Variants in TLN2 observed in about 807,000 individuals in gnomAD.
The protein encoded by TLN2 is talin 2, also known as talin-2.
A neutral mutation model predicts 294.7 loss-of-function variants in TLN2; 118 were observed. The ratio of observed to expected loss-of-function variants is 0.40; its 90% CI spans 0.34 to 0.47. The LOEUF is 0.47. Ranked by LOEUF, TLN2 falls within the 20% of genes least tolerant of loss-of-function variation. The pLI, the probability that TLN2 is intolerant of heterozygous loss-of-function variation, is 0.84. For missense variants in TLN2, 3,083 were observed against 3,282.2 expected, an observed-to-expected ratio of 0.94 and a Z score of 1.48; for synonymous variants, 1,431 against 1,304.5, an observed-to-expected ratio of 1.10 and a Z score of -2.09.
intron 32 of TLN2, among the ~76,000 whole-genome samples, chr15:62,743,451 C>G (rs2140976165): frequency 6.6e-6 from 1 of 152,260 alleles, no homozygotes; most frequent in South Asian, 2.1e-4. Flanking sequence ...GTTCTTAATT[C>G]TGCTTCCGAG....
At chr15:62,541,837 T>C (rs561968906) in intron 1 of TLN2, among the ~76,000 whole-genome samples, 2 of 152,222 alleles carry the variant, frequency 1.3e-5, no homozygotes, top group Admixed American at 1.3e-4. Flanking sequence ...AACTTCAAGA[T>C]GTTTGTTTTC....
intron 3 of TLN2, among the ~76,000 whole-genome samples, chr15:62,625,463 G>T (rs2049198765): frequency 1.3e-5 from 2 of 152,252 alleles, no homozygotes; most frequent in South Asian, 4.2e-4. Flanking sequence ...GAAGGCATAG[G>T]CTGTGGTTAC....
intron 1 of TLN2, among the ~76,000 whole-genome samples, chr15:62,417,951 C>A (rs570925605): frequency 3.9e-5 from 6 of 152,316 alleles, no homozygotes; most frequent in Non-Finnish European, 8.8e-5. Context: ...TGCCCCCTGG[C>A]CTGTCTTAAG....
chr15:62,833,321 G>A (rs2069075604), intron 54 of TLN2, 183 bp from the exon 55 acceptor site: 1 of 901,708 alleles, frequency 1.1e-6, no homozygotes, highest in Non-Finnish European at 1.6e-6. Flanking sequence ...TAAGAGTCCT[G>A]AAAGTTTGCA....
At chr15:62,640,517 C>G (rs2050931678) in intron 3 of TLN2, among the ~76,000 whole-genome samples, 1 of 152,138 alleles carries the variant, frequency 6.6e-6, no homozygotes, top group African/African-American at 2.4e-5. Context: ...ATTGTGCCCC[C>G]CTAAGTTGCC....
chr15:62,395,119 A>G (rs1235707902), intron 1 of TLN2, among the ~76,000 whole-genome samples: 1 of 149,106 alleles, frequency 6.7e-6, no homozygotes, highest in Non-Finnish European at 1.5e-5. Flanking sequence ...AGGGTTTACC[A>G]TGTACTTTAT....
At chr15:62,581,044 C>T (rs917043662) in intron 1 of TLN2, among the ~76,000 whole-genome samples, 1 of 151,918 alleles carries the variant, frequency 6.6e-6, no homozygotes, top group African/African-American at 2.4e-5. Flanking sequence ...CCACCATGCC[C>T]GGCTAATTTT....
intron 1 of TLN2, among the ~76,000 whole-genome samples, chr15:62,531,062 A>G (rs543798924): frequency 6.6e-6 from 1 of 152,328 alleles, no homozygotes; most frequent in East Asian, 1.9e-4. Context: ...ATTTAGACCC[A>G]GTATTCCCAC....
Position 62,549,480 on chromosome 15 carries a change from GCATC to G in TLN2, c.-237-40168_-237-40165del, listed in dbSNP as rs58665636. Among the ~76,000 whole-genome samples, 748 of 147,856 alleles carry G rather than the reference GCATC, an allele frequency of 5.1e-3. 7 individuals are homozygous for G. The highest frequency in any genetic ancestry group is 0.017 in the African/African-American group (692 of 39,706). On this transcript the variant is annotated intron_variant, in intron 1 of 58. Coordinates refer to ENST00000636159, the MANE Select transcript of TLN2 (RefSeq NM_015059.3). ...CTCAGAGGCCTGCCATGCATGCCATGCATCCATCCATCCATCCATCCATCCATCC... is the reference window on the plus strand; with the variant it reads ...CTCAGAGGCCTGCCATGCATGCCATGCATCCATCCATCCATCCATCCATCC...
At chr15:62,818,265 A>C (rs2067273916) in intron 52 of TLN2, among the ~76,000 whole-genome samples, 1 of 152,214 alleles carries the variant, frequency 6.6e-6, no homozygotes, top group Non-Finnish European at 1.5e-5. Flanking sequence ...AGAGGCTCCA[A>C]AATTGTGCAG....
intron 1 of TLN2, among the ~76,000 whole-genome samples, chr15:62,416,881 G>T (rs905796714): frequency 2.0e-5 from 3 of 152,152 alleles, no homozygotes; most frequent in Non-Finnish European, 4.4e-5. Flanking sequence ...CCTGAAAAAT[G>T]AGGAGTTGGA....
chr15:62,521,118 C>G (rs1253236975), intron 1 of TLN2, among the ~76,000 whole-genome samples: 1 of 152,132 alleles, frequency 6.6e-6, no homozygotes, highest in Non-Finnish European at 1.5e-5. Context: ...ACTTCTGGGC[C>G]AAACATGCTT....
intron 9 of TLN2, among the ~76,000 whole-genome samples, chr15:62,662,821 A>AATT (rs2054019926): frequency 2.5e-5 from 1 of 39,550 alleles, no homozygotes; most frequent in Non-Finnish European, 6.9e-5. Flanking sequence ...GGATTGAGAG[A>AATT]GTTTTTTTTT....
intron 28 of TLN2, among the ~76,000 whole-genome samples, chr15:62,732,547 T>A (rs2060787289): frequency 6.6e-6 from 1 of 152,254 alleles, no homozygotes; most frequent in African/African-American, 2.4e-5. Flanking sequence ...AATTGAAGAA[T>A]ATGTGAACAT....
At chr15:62,485,315 G>A (rs1447410930) in intron 1 of TLN2, among the ~76,000 whole-genome samples, 1 of 152,226 alleles carries the variant, frequency 6.6e-6, no homozygotes, top group Non-Finnish European at 1.5e-5. Flanking sequence ...CTGCCACAAG[G>A]TCAGGTTTAC....
At chr15:62,793,057 G>T (rs572515817) in intron 46 of TLN2, among the ~76,000 whole-genome samples, 2 of 152,192 alleles carry the variant, frequency 1.3e-5, no homozygotes, top group Admixed American at 1.3e-4. Context: ...GGGCTTCCCC[G>T]TAGGCAGATT....
At chr15:62,790,709 A>G (rs1353163067) in intron 45 of TLN2, among the ~76,000 whole-genome samples, 1 of 152,242 alleles carries the variant, frequency 6.6e-6, no homozygotes, top group Non-Finnish European at 1.5e-5. Context: ...GAACACTTCA[A>G]GAGCCAGATT....
chr15:62,805,437 A>G (rs2066211311), intron 50 of TLN2, among the ~76,000 whole-genome samples, 163 bp from the exon 51 acceptor site: 1 of 152,250 alleles, frequency 6.6e-6, no homozygotes, highest in South Asian at 2.1e-4. Flanking sequence ...CTTGAAAACA[A>G]GAACCATATT....
At chr15:62,483,153 A>C (rs1230599609) in intron 1 of TLN2, among the ~76,000 whole-genome samples, 3 of 152,172 alleles carry the variant, frequency 2.0e-5, no homozygotes, top group Non-Finnish European at 4.4e-5. Context: ...TCTCTTAGGC[A>C]CCAAGAACTA....
Sources: allele counts gnomAD v4.1 joint callset (sites outside exome capture counted in the v4.1 genomes callset), GRCh38; gene constraint gnomAD v4.1.1; transcripts MANE v1.5; gene names NCBI Gene and HGNC (gene_info 2026-07-23, HGNC 2026-07-21).